The following PDE6B variants were observed in gnomAD, a reference collection of about 807,000 sequenced individuals.
PDE6B encodes the protein phosphodiesterase 6B.
PDE6B carries 106 observed loss-of-function variants against 109.0 expected under a neutral mutation model. That is an observed-to-expected ratio of 0.97 (90% CI 0.83 to 1.14). PDE6B has a LOEUF of 1.14. Ranked by LOEUF, PDE6B falls within the 50% of genes most tolerant of loss-of-function variation. The probability of loss-of-function intolerance (pLI) is 0.00; values close to 1 mark genes in which losing one functional copy is unlikely to be tolerated. For synonymous variants in PDE6B, 490 were observed against 471.3 expected (o/e 1.04, Z -0.51); for missense variants, 1,193 against 1,155.6 (o/e 1.03, Z -0.47).
intron 1 of PDE6B, among the ~76,000 whole-genome samples, chr4:632,383 G>A (rs914506460): frequency 3.3e-5 from 5 of 149,304 alleles, no homozygotes; most frequent in Admixed American, 3.3e-4. Context: ...CATGTTGTGT[G>A]GATCCATGTG....
Position 665,015 on chromosome 4 carries a change from G to A in PDE6B, c.2193+71G>A, listed in dbSNP as rs1737626982. 1.6e-6 allele frequency: 2 copies of A among 1,234,510 alleles called. No homozygotes were observed. Among genetic ancestry groups the A allele is most frequent in the Non-Finnish European group, 2.4e-6 (2 of 836,502 alleles). The allele number at this position is 1,234,510 out of a possible 1,614,324, so 76.5% of individuals were successfully genotyped here. ...ACATGGGACTGCCGGGCGGGCGGGA[G>A]CCTCGGATGGCAACGGACCATTGTT... On this transcript the variant is annotated intron_variant, in intron 18 of 21. Coordinates refer to ENST00000496514, the MANE Select transcript of PDE6B (RefSeq NM_000283.4). The surrounding 1 kb of genome is among the most constrained non-coding windows in gnomAD (Gnocchi z 4.0).
At chr4:667,128 C>T (rs1001766541) in intron 20 of PDE6B, among the ~76,000 whole-genome samples, 15 of 152,200 alleles carry the variant, frequency 9.9e-5, no homozygotes, top group Non-Finnish European at 1.5e-4. Context: ...GGACGCAAGG[C>T]GGACATGGAG....
chr4:627,057 A>G (rs1389190953), intron 1 of PDE6B, among the ~76,000 whole-genome samples: 1 of 152,036 alleles, frequency 6.6e-6, no homozygotes, highest in African/African-American at 2.4e-5. Flanking sequence ...GAGCCTTGGG[A>G]ATTACCCACC....
chr4:664,294 C>A (rs368483078), intron 17 of PDE6B, 73 bp downstream of exon 17: 5 of 854,670 alleles, frequency 5.9e-6, no homozygotes, highest in Admixed American at 5.3e-5. Flanking sequence ...GCTGGTTAAC[C>A]CTGCAGCCCT....
At chr4:631,796 G>A (rs1288466324) in intron 1 of PDE6B, among the ~76,000 whole-genome samples, 2 of 148,076 alleles carry the variant, frequency 1.4e-5, no homozygotes, top group Admixed American at 1.3e-4. Flanking sequence ...TTTGTGTGTG[G>A]GACCATCAAA....
intron 10 of PDE6B, among the ~76,000 whole-genome samples, chr4:658,588 T>C (rs1736657565): frequency 6.6e-6 from 1 of 152,038 alleles, no homozygotes; most frequent in Non-Finnish European, 1.5e-5. Context: ...GGGCCAGAGC[T>C]GAGTACAGCC....
Position 651,146 on chromosome 4 carries a change from G to A in PDE6B, c.712-2706G>A, listed in dbSNP as rs928552445. Among the ~76,000 whole-genome samples, 100 of 150,732 alleles carry A rather than the reference G, an allele frequency of 6.6e-4. 3 individuals carry two copies. The highest frequency in any genetic ancestry group is 2.2e-4 in the Non-Finnish European group (15 of 67,682). On this transcript the variant is annotated intron_variant, in intron 3 of 21. Transcript: ENST00000496514. The stretch of plus-strand genomic sequence containing the variant: ...AACAGCAGTGGGGCCGTCACAGGCA[G>A]GACAGGGCTGAGGCGCCGATGTCAA...
At chr4:664,833 G>T in intron 17 of PDE6B, 48 bp from the exon 18 acceptor site, 2 of 1,438,506 alleles carry the variant, frequency 1.4e-6, no homozygotes, top group African/African-American at 1.4e-5. Flanking sequence ...TAAACCACCT[G>T]CCCTCAGGAG....
At chr4:642,106 G>A (rs1347377200) in intron 3 of PDE6B, among the ~76,000 whole-genome samples, 1 of 152,218 alleles carries the variant, frequency 6.6e-6, no homozygotes, top group East Asian at 1.9e-4. Context: ...GAATGTGAGT[G>A]GTGAGAGGAG....
At position 657,508 on chromosome 4, in the gene PDE6B, G is replaced by A; in HGVS notation, c.1401+14G>A. 2 of 1,466,320 alleles carry A rather than the reference G, an allele frequency of 1.4e-6. No individual in the cohort carries two copies. The highest frequency in any genetic ancestry group is 1.9e-6 in the Non-Finnish European group (2 of 1,050,708). The allele number at this position is 1,466,320 out of a possible 1,614,324, so 90.8% of individuals were successfully genotyped here. On this transcript the variant is annotated intron_variant, in intron 10 of 21. Coordinates refer to ENST00000496514, the MANE Select transcript of PDE6B (RefSeq NM_000283.4). ...CAGCTCATCCTGGTGCGGCGGGGCAGGACGTCCAGGGGTCACCCAGGGGTC... is the reference window on the plus strand; with the variant it reads ...CAGCTCATCCTGGTGCGGCGGGGCAAGACGTCCAGGGGTCACCCAGGGGTC...
Position 662,497 on chromosome 4 carries a change from C to T in PDE6B, c.1723-12C>T. The T allele has an allele frequency of 1.3e-6, 2 of 1,578,982 alleles. No individual in the cohort carries two copies. The highest frequency in any genetic ancestry group is 1.7e-6 in the Non-Finnish European group (2 of 1,148,678). The stretch of plus-strand genomic sequence containing the variant: ...GCCAGGACCGGTGAGCAAGGTGGCC[C>T]TGTCTCTACAGACCGGCAAACTGAA... On this transcript the variant is annotated splice_polypyrimidine_tract_variant and intron_variant, in intron 13 of 21. Transcript: ENST00000496514. This position sits in a 1 kb window ranked among gnomAD's most constrained non-coding sequence, Gnocchi z 4.3.
intron 9 of PDE6B, 74 bp downstream of exon 9, chr4:657,097 C>T (rs1451950168): frequency 4.1e-6 from 6 of 1,457,902 alleles, no homozygotes; most frequent in Non-Finnish European, 5.8e-6. Flanking sequence ...GTGGGGGCCT[C>T]CCCGCCAAGC....
At chr4:654,282 G>A (rs368651726) in intron 5 of PDE6B, 128 bp downstream of exon 5, 1 of 839,042 alleles carries the variant, frequency 1.2e-6, no homozygotes, top group African/African-American at 1.7e-5. Flanking sequence ...TGGGACCCCG[G>A]GTGCCTGTCT....
chr4:669,717 C>T (rs1295803846), intron 21 of PDE6B, among the ~76,000 whole-genome samples: 9 of 136,194 alleles, frequency 6.6e-5, no homozygotes, highest in Admixed American at 4.9e-4. Context: ...ATGCTATTCC[C>T]GCTACCCCAT....
chr4:636,331 G>A lies in PDE6B; in HGVS notation c.711+362G>A, dbSNP rs1734678009. Among the ~76,000 whole-genome samples, 1 of 152,172 alleles carries A rather than the reference G, an allele frequency of 6.6e-6. No homozygotes were observed. The highest frequency in any genetic ancestry group is 1.5e-5 in the Non-Finnish European group (1 of 68,018). On this transcript the variant is annotated intron_variant, in intron 3 of 21. Transcript: ENST00000496514. This position sits in a 1 kb window ranked among gnomAD's most constrained non-coding sequence, Gnocchi z 4.5. ...GCAGGTCCAGCCCTGGTTGAGAGAGGGTGCAGGGGCAGGTCCGGCCCTGAC... is the reference window on the plus strand; with the variant it reads ...GCAGGTCCAGCCCTGGTTGAGAGAGAGTGCAGGGGCAGGTCCGGCCCTGAC...
At position 662,034 on chromosome 4, in the gene PDE6B, G is replaced by A. The variant is rs1400449108; in HGVS notation, c.1615-100G>A. 1.4e-5 allele frequency: 10 copies of A among 711,640 alleles called. No individual in the cohort carries two copies. The African/African-American group carries it at 1.7e-4, about 12-fold the overall frequency. The allele number at this position is 711,640 out of a possible 1,614,324, so 44.1% of individuals were successfully genotyped here. On this transcript the variant is annotated intron_variant, in intron 12 of 21. Transcript: ENST00000496514. This position sits in a 1 kb window ranked among gnomAD's most constrained non-coding sequence, Gnocchi z 4.3. Reference sequence around the variant, plus strand: ...TCCAGGAGACGGTGTGGGGATGATGGCACGGAGCAGGGCTTCCACTGTGAA... The same window carrying A: ...TCCAGGAGACGGTGTGGGGATGATGACACGGAGCAGGGCTTCCACTGTGAA...
In PDE6B at chr4:648,677, G is replaced by A. The variant is rs187479952; in HGVS notation, c.712-5175G>A. Among the ~76,000 whole-genome samples, 1 of 152,252 alleles carries A rather than the reference G, an allele frequency of 6.6e-6. No individual in the cohort carries two copies. Among genetic ancestry groups the A allele is most frequent in the African/African-American group, 2.4e-5 (1 of 41,472 alleles). On this transcript the variant is annotated intron_variant, in intron 3 of 21. Coordinates refer to ENST00000496514, the MANE Select transcript of PDE6B (RefSeq NM_000283.4). This position sits in a 1 kb window ranked among gnomAD's most constrained non-coding sequence, Gnocchi z 4.5. ...GAGGCCGCAGGAAAGCCATGGGTTA[G>A]GCCCTACAGAGCTCAGGTTTCTCTC...
intron 3 of PDE6B, among the ~76,000 whole-genome samples, chr4:644,348 G>A (rs1735098049): frequency 6.6e-6 from 1 of 151,898 alleles, no homozygotes; most frequent in Non-Finnish European, 1.5e-5. Flanking sequence ...TATGGTATAA[G>A]AACATATTTT....
At chr4:669,463 G>A (rs572024013) in intron 21 of PDE6B, among the ~76,000 whole-genome samples, 556 of 120,870 alleles carry the variant, frequency 4.6e-3, no homozygotes, top group Middle Eastern at 0.013. Flanking sequence ...ACTACCCCAT[G>A]CTATTCCCAC....
Sources: allele counts gnomAD v4.1 joint callset (sites outside exome capture counted in the v4.1 genomes callset), GRCh38; gene constraint gnomAD v4.1.1; non-coding constraint Gnocchi (gnomAD v3.1); transcripts MANE v1.5; gene names NCBI Gene and HGNC (gene_info 2026-07-23, HGNC 2026-07-21).